CFTR: variants seen among roughly 807,000 people sequenced by gnomAD.
CFTR encodes the protein CF transmembrane conductance regulator.
Under a neutral mutation model 171.6 loss-of-function variants are expected in CFTR, and 181 were observed. The ratio of observed to expected loss-of-function variants is 1.05; its 90% CI spans 0.93 to 1.19. CFTR has a LOEUF of 1.19. Ranked by LOEUF, CFTR falls within the 50% of genes most tolerant of loss-of-function variation. The pLI is 0.00. For missense variants in CFTR, 1,968 were observed against 1,734.7 expected, an observed-to-expected ratio of 1.13 and a Z score of -2.39; for synonymous variants, 583 against 608.0, an observed-to-expected ratio of 0.96 and a Z score of 0.60.
chr7:117,584,065 A>T (rs947795296), intron 11 of CFTR, among the ~76,000 whole-genome samples: 1 of 151,824 alleles, frequency 6.6e-6, no homozygotes, highest in African/African-American at 2.4e-5. Context: ...TAGATCCTGG[A>T]TACTAGTCCT....
intron 22 of CFTR, among the ~76,000 whole-genome samples, chr7:117,637,736 G>A (rs1204721913): frequency 6.6e-6 from 1 of 152,064 alleles, no homozygotes; most frequent in Non-Finnish European, 1.5e-5. Flanking sequence ...AATCAGCCAG[G>A]TGTGGTGGCA....
chr7:117,548,524 A>C, intron 9 of CFTR, 117 bp from the exon 10 acceptor site: 1 of 1,532,080 alleles, frequency 6.5e-7, no homozygotes, highest in Non-Finnish European at 8.8e-7. Flanking sequence ...GTAATGGATC[A>C]TGGGCCATGT....
At chr7:117,615,629 G>C (rs1473085333) in intron 21 of CFTR, among the ~76,000 whole-genome samples, 1 of 151,392 alleles carries the variant, frequency 6.6e-6, no homozygotes, top group Non-Finnish European at 1.5e-5. Flanking sequence ...CATTTTAGTT[G>C]TGTTATTTCT....
chr7:117,594,414 T>C (rs893313265), intron 14 of CFTR, among the ~76,000 whole-genome samples: 2 of 152,204 alleles, frequency 1.3e-5, no homozygotes, highest in Non-Finnish European at 2.9e-5. Flanking sequence ...GGATGAGAAT[T>C]ATGTAATTTA....
chr7:117,578,188 AT>A (rs558757213), intron 11 of CFTR, among the ~76,000 whole-genome samples: 12 of 149,176 alleles, frequency 8.0e-5, no homozygotes, highest in South Asian at 6.4e-4. Context: ...ACTTACACGT[AT>A]TTTTTTTTTC....
At position 117,542,003 on chromosome 7, in the gene CFTR, C is replaced by G. The variant is rs781062221; in HGVS notation, c.1117-13C>G. 2 of 1,344,886 alleles carry G rather than the reference C, an allele frequency of 1.5e-6. No individual in the cohort carries two copies. The allele number at this position is 1,344,886 out of a possible 1,614,324, so 83.3% of individuals were successfully genotyped here. ...TGATTCTATAATATGTTTTTGCTCTCTTTTATAAATAGGATTTCTTACAAA... is the reference window on the plus strand; with the variant it reads ...TGATTCTATAATATGTTTTTGCTCTGTTTTATAAATAGGATTTCTTACAAA... On this transcript the variant is annotated splice_polypyrimidine_tract_variant and intron_variant, in intron 8 of 26. Coordinates refer to ENST00000003084, the MANE Select transcript of CFTR (RefSeq NM_000492.4).
At chr7:117,642,634 A>G (rs1186659777) in intron 23 of CFTR, 41 bp downstream of exon 23, 1 of 1,599,708 alleles carries the variant, frequency 6.3e-7, no homozygotes, top group Non-Finnish European at 8.6e-7. Context: ...CAACTAAATT[A>G]TATTTTTTAC....
chr7:117,666,946 C>G lies in CFTR; in HGVS notation c.4281C>G (p.Ile1427Met). 1 of 1,614,050 alleles carries G rather than the reference C, an allele frequency of 6.2e-7. No individual in the cohort carries two copies. Among genetic ancestry groups the G allele is most frequent in the Non-Finnish European group, 8.5e-7 (1 of 1,179,984 alleles). Reference protein sequence around the residue: ...EENKVRQYDSIQKLLNERSLF... With the variant: ...EENKVRQYDSMQKLLNERSLF... ...ACAAAGTGCGGCAGTACGATTCCAT[C>G]CAGAAACTGCTGAACGAGAGGAGCC... The change falls in exon 27 of 27, where the codon ATC becomes ATG. Residue 1427 changes from isoleucine to methionine, a missense_variant. Ile to Met is a conservative substitution (Grantham distance 10). Coordinates refer to ENST00000003084, the MANE Select transcript of CFTR (RefSeq NM_000492.4).
intron 22 of CFTR, among the ~76,000 whole-genome samples, chr7:117,628,507 T>G (rs1792690688): frequency 6.6e-6 from 1 of 152,096 alleles, no homozygotes; most frequent in African/African-American, 2.4e-5. Context: ...ATTTTTTAGA[T>G]AAAATAAAAG....
chr7:117,504,191 G>T lies in CFTR; in HGVS notation c.54-62G>T. 4 of 962,770 alleles carry T rather than the reference G, an allele frequency of 4.2e-6. No homozygotes were observed. The South Asian group carries it at 5.2e-5, about 12-fold the overall frequency. 59.6% of individuals were successfully genotyped at this position (962,770 alleles called of 1,614,324 possible). A position where few individuals can be genotyped will look rare whatever the true frequency, so the allele number is the denominator to read the frequency against. On this transcript the variant is annotated intron_variant, in intron 1 of 26. Coordinates refer to ENST00000003084, the MANE Select transcript of CFTR (RefSeq NM_000492.4). ...ATGCCAGAAAAGTTGAATAGTATCA[G>T]ATTCCAAATCTGTATGGAGACCAAA... is the stretch of plus-strand genomic sequence containing the variant.
At chr7:117,582,073 T>TA (rs955865938) in intron 11 of CFTR, among the ~76,000 whole-genome samples, 2 of 152,172 alleles carry the variant, frequency 1.3e-5, no homozygotes, top group Non-Finnish European at 1.5e-5. Context: ...ATTTTAGAAT[T>TA]AAAAAAAATT....
At chr7:117,582,265 A>T (rs1791859682) in intron 11 of CFTR, among the ~76,000 whole-genome samples, 1 of 152,184 alleles carries the variant, frequency 6.6e-6, no homozygotes, top group Non-Finnish European at 1.5e-5. Flanking sequence ...ACAATAAGCC[A>T]GACAGACCAG....
rs1012513208 is a variant in CFTR at position 117,590,008 on chromosome 7, G to T, written c.1680-345G>T. ...TACTATTGTTAAAATATTTTTTAAG[G>T]TAATATTTTAAAGTGTATGCTATGG... On this transcript the variant is annotated intron_variant, in intron 12 of 26. Transcript: ENST00000003084. 2.0e-5 allele frequency among the ~76,000 whole-genome samples: 3 copies of T among 151,900 alleles called. No individual in the cohort carries two copies. In the East Asian group the frequency reaches 5.8e-4, roughly 29 times the overall value.
chr7:117,496,238 C>T (rs1178415201), intron 1 of CFTR, among the ~76,000 whole-genome samples: 2 of 152,036 alleles, frequency 1.3e-5, no homozygotes, highest in Non-Finnish European at 2.9e-5. Context: ...GGGCCTTGCT[C>T]TGTTGCCCAG....
At chr7:117,575,474 G>T (rs1389078927) in intron 11 of CFTR, among the ~76,000 whole-genome samples, 1 of 152,204 alleles carries the variant, frequency 6.6e-6, no homozygotes, top group Middle Eastern at 3.4e-3. Context: ...TTGCTAGAGG[G>T]AATGTGATTG....
intron 4 of CFTR, among the ~76,000 whole-genome samples, chr7:117,532,077 TAA>T (rs563899488): frequency 1.4e-5 from 2 of 138,372 alleles, no homozygotes; most frequent in African/African-American, 2.7e-5. Context: ...AGGCAGAAGT[TAA>T]AAAAAAAAAA....
chr7:117,639,072 T>G (rs1792873724), intron 22 of CFTR, among the ~76,000 whole-genome samples: 1 of 152,166 alleles, frequency 6.6e-6, no homozygotes. Context: ...ATTTCTATGT[T>G]GTTGGTTATG....
chr7:117,594,442 G>C (rs1362700995), intron 14 of CFTR, among the ~76,000 whole-genome samples: 5 of 152,186 alleles, frequency 3.3e-5, no homozygotes, highest in African/African-American at 7.2e-5. Flanking sequence ...GCTGGAAAGA[G>C]AGAAAGTCCT....
At chr7:117,568,273 G>T (rs1344338273) in intron 11 of CFTR, among the ~76,000 whole-genome samples, 1 of 152,144 alleles carries the variant, frequency 6.6e-6, no homozygotes, top group African/African-American at 2.4e-5. Flanking sequence ...ACTTTACACT[G>T]GGGGCCATGG....
Sources: gnomAD v4.1 joint callset for allele counts (sites outside exome capture counted in the v4.1 genomes callset) on GRCh38, gnomAD v4.1.1 for gene constraint, MANE v1.5 for transcripts, NCBI Gene and HGNC (gene_info 2026-07-23, HGNC 2026-07-21) for gene names.